NALF1: variants seen among roughly 807,000 people sequenced by gnomAD.
NALF1 encodes the protein family with sequence similarity 155 member A.
Under a neutral mutation model 48.4 loss-of-function variants are expected in NALF1, and 3 were observed. The observed-to-expected ratio is 0.06, with a 90% CI of 0.03 to 0.16. The LOEUF is 0.16. Ranked by LOEUF, NALF1 falls within the 10% of genes least tolerant of loss-of-function variation. The pLI, the probability that NALF1 is intolerant of heterozygous loss-of-function variation, is 1.00. For missense variants in NALF1, 526 were observed against 571.5 expected, an observed-to-expected ratio of 0.92 and a Z score of 0.81; for synonymous variants, 262 against 245.7, an observed-to-expected ratio of 1.07 and a Z score of -0.62.
At chr13:107,178,889 G>C (rs1311634282) in intron 2 of NALF1, among the ~76,000 whole-genome samples, 1 of 151,828 alleles carries the variant, frequency 6.6e-6, no homozygotes, top group Middle Eastern at 3.2e-3. Context: ...AGCTTGCAGT[G>C]AGCCGCGATC....
chr13:107,586,520 C>A (rs1594143821), intron 1 of NALF1, among the ~76,000 whole-genome samples: 1 of 146,336 alleles, frequency 6.8e-6, no homozygotes, highest in African/African-American at 2.4e-5. Context: ...TTAAATAAAT[C>A]ATTGTATTTA....
At chr13:107,395,579 G>A (rs1034337694) in intron 1 of NALF1, among the ~76,000 whole-genome samples, 2 of 152,128 alleles carry the variant, frequency 1.3e-5, no homozygotes, top group Non-Finnish European at 2.9e-5. Context: ...CGTCATTAGG[G>A]CTTTGGTTGG....
intron 1 of NALF1, among the ~76,000 whole-genome samples, chr13:107,424,275 CTA>C (rs374867474): frequency 3.9e-5 from 6 of 152,130 alleles, no homozygotes; most frequent in African/African-American, 1.4e-4. Flanking sequence ...GTAGCTGGGA[CTA>C]TAGGTGCACA....
intron 1 of NALF1, among the ~76,000 whole-genome samples, chr13:107,395,412 C>T (rs1883695597): frequency 6.6e-6 from 1 of 152,110 alleles, no homozygotes; most frequent in Admixed American, 6.6e-5. Flanking sequence ...AGACAAATGG[C>T]AAGCCTCCTA....
At chr13:107,782,276 A>T (rs997673236) in intron 1 of NALF1, among the ~76,000 whole-genome samples, 6 of 152,174 alleles carry the variant, frequency 3.9e-5, no homozygotes, top group Non-Finnish European at 8.8e-5. Context: ...GCTGGCTTCC[A>T]GCTCCTTACC....
intron 1 of NALF1, among the ~76,000 whole-genome samples, chr13:107,771,089 T>A (rs78376366): frequency 0.04 from 6,031 of 152,314 alleles, 147 homozygotes; most frequent in African/African-American, 0.066. Context: ...TATCTATCTA[T>A]GTATTCTATC....
chr13:107,756,435 C>CTATATATATATATATATATA lies in NALF1; in HGVS notation c.915+109227_915+109246dup, dbSNP rs148971349. On this transcript the variant is annotated intron_variant, in intron 1 of 2. Coordinates refer to ENST00000375915, the MANE Select transcript of NALF1 (RefSeq NM_001080396.3). ...ACTAAATATTAAATAAGTTTAATGGCTATATATATATATATATATAAAGCA... is the reference window on the plus strand; with the variant it reads ...ACTAAATATTAAATAAGTTTAATGGCTATATATATATATATATATATATATATATATATATATATAAAGCA... Among the ~76,000 whole-genome samples the CTATATATATATATATATATA allele has an allele frequency of 5.3e-3, 750 of 140,792 alleles. 5 individuals carry two copies. The highest frequency in any genetic ancestry group is 0.011 in the East Asian group (51 of 4,694). The allele number at this position is 140,792 out of a possible 152,430, so 92.4% of individuals were successfully genotyped here. A position where few individuals can be genotyped will look rare whatever the true frequency, so the allele number is the denominator to read the frequency against.
intron 1 of NALF1, among the ~76,000 whole-genome samples, chr13:107,486,336 A>C (rs1287956072): frequency 2.0e-5 from 3 of 152,210 alleles, no homozygotes; most frequent in Non-Finnish European, 4.4e-5. Flanking sequence ...CTGGTGAAGA[A>C]AAAAGACCTT....
chr13:107,576,709 G>A (rs892310337), intron 1 of NALF1, among the ~76,000 whole-genome samples: 2 of 152,172 alleles, frequency 1.3e-5, no homozygotes, highest in Non-Finnish European at 2.9e-5. Context: ...AATTGGAAAG[G>A]CCATTCTAGG....
chr13:107,627,570 G>A (rs866443141), intron 1 of NALF1, among the ~76,000 whole-genome samples: 5 of 152,136 alleles, frequency 3.3e-5, no homozygotes, highest in South Asian at 2.1e-4. Context: ...CAACTGGGGC[G>A]TATTCTTTGT....
intron 1 of NALF1, among the ~76,000 whole-genome samples, chr13:107,436,934 A>C (rs1308200460): frequency 1.3e-5 from 2 of 152,180 alleles, no homozygotes; most frequent in East Asian, 3.8e-4. Context: ...TCAAGAGACT[A>C]TATTAAGAAT....
chr13:107,637,938 G>A (rs539375942), intron 1 of NALF1, among the ~76,000 whole-genome samples: 9 of 151,936 alleles, frequency 5.9e-5, no homozygotes, highest in African/African-American at 2.2e-4. Context: ...GACTTAGAGA[G>A]TCAAATTAGC....
chr13:107,556,695 A>G (rs753756413), intron 1 of NALF1, among the ~76,000 whole-genome samples: 1 of 152,052 alleles, frequency 6.6e-6, no homozygotes, highest in Non-Finnish European at 1.5e-5. Context: ...CATGTTAGTC[A>G]GGCTGGTTGC....
chr13:107,458,289 C>T (rs1788968072), intron 1 of NALF1, among the ~76,000 whole-genome samples: 2 of 152,244 alleles, frequency 1.3e-5, no homozygotes, highest in South Asian at 4.1e-4. Flanking sequence ...ACCTAAAGGA[C>T]ACTTTACTCA....
chr13:107,268,422 ACC>A (rs1188888222), intron 1 of NALF1, among the ~76,000 whole-genome samples: 2 of 138,486 alleles, frequency 1.4e-5, no homozygotes, highest in Non-Finnish European at 3.3e-5. Flanking sequence ...TGTATACAAC[ACC>A]CACACACACA....
At chr13:107,694,589 C>T (rs546259431) in intron 1 of NALF1, among the ~76,000 whole-genome samples, 1 of 152,132 alleles carries the variant, frequency 6.6e-6, no homozygotes, top group Non-Finnish European at 1.5e-5. Context: ...TCACTGACAA[C>T]TTATTGACAT....
At chr13:107,431,215 T>C (rs896284828) in intron 1 of NALF1, among the ~76,000 whole-genome samples, 1 of 152,220 alleles carries the variant, frequency 6.6e-6, no homozygotes, top group Non-Finnish European at 1.5e-5. Flanking sequence ...CATAATTTGG[T>C]GCTCTTCATG....
At chr13:107,539,399 G>C (rs1174966699) in intron 1 of NALF1, among the ~76,000 whole-genome samples, 1 of 150,444 alleles carries the variant, frequency 6.6e-6, no homozygotes, top group African/African-American at 2.5e-5. Context: ...CATTGAAGAG[G>C]GCTCTGCCCT....
At chr13:107,383,021 A>C (rs1883468049) in intron 1 of NALF1, among the ~76,000 whole-genome samples, 1 of 152,210 alleles carries the variant, frequency 6.6e-6, no homozygotes, top group South Asian at 2.1e-4. Flanking sequence ...CCCCAGATTG[A>C]TACCTGGGAC....
Sources: allele counts gnomAD v4.1 joint callset (sites outside exome capture counted in the v4.1 genomes callset), GRCh38; gene constraint gnomAD v4.1.1; transcripts MANE v1.5; gene names NCBI Gene and HGNC (gene_info 2026-07-23, HGNC 2026-07-21).